Variants in IGF1R observed in about 807,000 individuals in gnomAD.
IGF1R encodes the protein insulin like growth factor 1 receptor, also known as insulin-like growth factor 1 receptor.
IGF1R carries 44 observed loss-of-function variants against 144.6 expected under a neutral mutation model. The ratio of observed to expected loss-of-function variants is 0.30; its 90% CI spans 0.24 to 0.39. The LOEUF is 0.39. Ranked by LOEUF, IGF1R falls within the 10% of genes least tolerant of loss-of-function variation. The probability of loss-of-function intolerance (pLI) is 1.00; values close to 1 mark genes in which losing one functional copy is unlikely to be tolerated. For synonymous variants in IGF1R, 795 were observed against 722.8 expected (o/e 1.10, Z -1.60); for missense variants, 1,355 against 1,833.7 (o/e 0.74, Z 4.77).
At chr15:98,751,481 C>A (rs949296067) in intron 2 of IGF1R, among the ~76,000 whole-genome samples, 1 of 152,066 alleles carries the variant, frequency 6.6e-6, no homozygotes, top group African/African-American at 2.4e-5. Flanking sequence ...AAGGCTGTAA[C>A]CCTGATTTTA....
intron 2 of IGF1R, among the ~76,000 whole-genome samples, chr15:98,803,655 A>T (rs904229996): frequency 6.6e-6 from 1 of 152,002 alleles, no homozygotes. Context: ...AGACGCACAC[A>T]CCACCATGGC....
intron 1 of IGF1R, among the ~76,000 whole-genome samples, chr15:98,703,533 C>A (rs2053787205): frequency 2.0e-5 from 3 of 152,230 alleles, no homozygotes; most frequent in South Asian, 4.1e-4. Flanking sequence ...TAGGCCCTGC[C>A]TCGTGCTCTG....
At chr15:98,759,435 C>T (rs1311368196) in intron 2 of IGF1R, among the ~76,000 whole-genome samples, 9 of 152,242 alleles carry the variant, frequency 5.9e-5, no homozygotes, top group African/African-American at 2.2e-4. Flanking sequence ...TGCCGAAGCA[C>T]TTCTCTGACT....
chr15:98,649,887 T>G (rs2052306657), intron 1 of IGF1R, among the ~76,000 whole-genome samples: 1 of 152,114 alleles, frequency 6.6e-6, no homozygotes. Context: ...GGGCCCTGGC[T>G]CCGCGCATCC....
chr15:98,761,879 TG>T (rs1258443729), intron 2 of IGF1R, among the ~76,000 whole-genome samples: 1 of 152,210 alleles, frequency 6.6e-6, no homozygotes, highest in Non-Finnish European at 1.5e-5. Flanking sequence ...CTTCTAGGTA[TG>T]GAGGGGTACA....
intron 2 of IGF1R, among the ~76,000 whole-genome samples, chr15:98,737,532 C>A (rs185904237): frequency 6.6e-6 from 1 of 152,192 alleles, no homozygotes; most frequent in East Asian, 1.9e-4. Context: ...AGTTTGAGCC[C>A]TGTCAAATAA....
At chr15:98,860,397 A>G (rs1310692045) in intron 2 of IGF1R, among the ~76,000 whole-genome samples, 1 of 152,216 alleles carries the variant, frequency 6.6e-6, no homozygotes, top group East Asian at 1.9e-4. Context: ...TCTCACAGCA[A>G]GTCTCTCCAA....
At chr15:98,870,219 C>T (rs944756442) in intron 2 of IGF1R, among the ~76,000 whole-genome samples, 1 of 152,244 alleles carries the variant, frequency 6.6e-6, no homozygotes, top group Non-Finnish European at 1.5e-5. Context: ...CTCTTTTCAT[C>T]TCGCACAACT....
At chr15:98,748,147 CACA>C (rs2054915016) in intron 2 of IGF1R, among the ~76,000 whole-genome samples, 1 of 152,220 alleles carries the variant, frequency 6.6e-6, no homozygotes, top group East Asian at 1.9e-4. Context: ...CTTCTGCATG[CACA>C]ACTTTTAATT....
intron 2 of IGF1R, among the ~76,000 whole-genome samples, chr15:98,856,275 C>T (rs2011812584): frequency 6.6e-6 from 1 of 152,246 alleles, no homozygotes; most frequent in African/African-American, 2.4e-5. Context: ...CTGATTAAAG[C>T]AGGAATTGTC....
chr15:98,949,899 G>A (rs1039420143), intron 20 of IGF1R, among the ~76,000 whole-genome samples: 1 of 152,094 alleles, frequency 6.6e-6, no homozygotes. Flanking sequence ...TGTCCTTCCT[G>A]GAATGAGTTT....
At chr15:98,944,065 C>T (rs2016463104) in intron 19 of IGF1R, among the ~76,000 whole-genome samples, 2 of 152,168 alleles carry the variant, frequency 1.3e-5, no homozygotes, top group Non-Finnish European at 2.9e-5. Context: ...ACTGTCAAAT[C>T]AAAGTGCTCT....
chr15:98,863,734 T>C (rs2012284243), intron 2 of IGF1R, among the ~76,000 whole-genome samples: 1 of 152,310 alleles, frequency 6.6e-6, no homozygotes, highest in East Asian at 1.9e-4. Flanking sequence ...TGACAGGAGA[T>C]GTTAATTGCC....
intron 2 of IGF1R, among the ~76,000 whole-genome samples, chr15:98,775,784 C>G (rs371155047): frequency 9.2e-5 from 14 of 152,194 alleles, no homozygotes; most frequent in Non-Finnish European, 1.9e-4. Flanking sequence ...CCAGGGTTTC[C>G]GATTCAGCAG....
chr15:98,798,233 G>A (rs377074443), intron 2 of IGF1R, among the ~76,000 whole-genome samples: 20 of 152,234 alleles, frequency 1.3e-4, no homozygotes, highest in African/African-American at 4.1e-4. Flanking sequence ...GCAGGTATCC[G>A]GGTACCTTTT....
At chr15:98,844,491 A>G (rs2011240743) in intron 2 of IGF1R, among the ~76,000 whole-genome samples, 1 of 152,172 alleles carries the variant, frequency 6.6e-6, no homozygotes, top group Non-Finnish European at 1.5e-5. Flanking sequence ...ATACAGCTAA[A>G]TACACTTTTT....
intron 1 of IGF1R, among the ~76,000 whole-genome samples, chr15:98,690,180 A>G (rs868502739): frequency 1.3e-5 from 2 of 152,182 alleles, no homozygotes; most frequent in South Asian, 2.1e-4. Flanking sequence ...CATCTCTACA[A>G]AAAAATTAAA....
chr15:98,745,715 G>C (rs546212376), intron 2 of IGF1R, among the ~76,000 whole-genome samples: 4 of 151,072 alleles, frequency 2.6e-5, no homozygotes, highest in South Asian at 2.1e-4. Flanking sequence ...TCTCTTTCCT[G>C]TTCCGAGGCT....
chr15:98,724,194 C>T (rs529736797), intron 2 of IGF1R, among the ~76,000 whole-genome samples: 2 of 152,366 alleles, frequency 1.3e-5, no homozygotes, highest in South Asian at 2.1e-4. Flanking sequence ...GTGTGCCACC[C>T]TTCCCAACCA....
Sources: gnomAD v4.1 joint callset for allele counts (sites outside exome capture counted in the v4.1 genomes callset) on GRCh38, gnomAD v4.1.1 for gene constraint, MANE v1.5 for transcripts, NCBI Gene and HGNC (gene_info 2026-07-23, HGNC 2026-07-21) for gene names.